The following ADAM12 variants were observed in gnomAD, a reference collection of about 807,000 sequenced individuals.
The protein encoded by ADAM12 is disintegrin and metalloproteinase domain-containing protein 12.
In ADAM12, 70 loss-of-function variants were observed where a neutral mutation model predicts 106.4. The observed-to-expected ratio is 0.66, with a 90% CI of 0.54 to 0.80. The LOEUF (loss-of-function observed/expected upper bound fraction) is 0.80. Ranked by LOEUF, ADAM12 falls within the 30% of genes least tolerant of loss-of-function variation. ADAM12 has a pLI of 0.00. For synonymous variants in ADAM12, 420 were observed against 433.5 expected, an observed-to-expected ratio of 0.97 and a Z score of 0.39; for missense variants, 1,010 against 1,171.9, an observed-to-expected ratio of 0.86 and a Z score of 2.02.
At chr10:126,319,455 A>G (rs931623232) in intron 2 of ADAM12, among the ~76,000 whole-genome samples, 6 of 152,096 alleles carry the variant, frequency 3.9e-5, no homozygotes, top group Non-Finnish European at 2.9e-5. Flanking sequence ...CAAAACAGAC[A>G]AGCCCAGTCC....
At chr10:126,331,756 C>T (rs913946575) in intron 1 of ADAM12, among the ~76,000 whole-genome samples, 7 of 152,092 alleles carry the variant, frequency 4.6e-5, no homozygotes, top group Non-Finnish European at 8.8e-5. Flanking sequence ...GGGCCCAGGA[C>T]GTGTGGTCTT....
At chr10:126,035,960 T>A (rs1954052313) in intron 21 of ADAM12, among the ~76,000 whole-genome samples, 186 bp downstream of exon 21, 3 of 138,942 alleles carry the variant, frequency 2.2e-5, no homozygotes, top group Admixed American at 2.1e-4. Context: ...ACACTCTTAT[T>A]ATTATACTCC....
intron 3 of ADAM12, among the ~76,000 whole-genome samples, chr10:126,199,409 C>T (rs925426282): frequency 1.3e-5 from 2 of 152,126 alleles, no homozygotes; most frequent in Non-Finnish European, 2.9e-5. Context: ...TTAGGCATAA[C>T]GGCCACCAGC....
intron 3 of ADAM12, among the ~76,000 whole-genome samples, chr10:126,255,908 C>T (rs554779621): frequency 6.6e-6 from 1 of 152,156 alleles, no homozygotes; most frequent in Non-Finnish European, 1.5e-5. Flanking sequence ...TGCAGGCTGT[C>T]CAAGGGCCTT....
At chr10:126,281,286 ATAAG>A (rs1351246842) in intron 2 of ADAM12, among the ~76,000 whole-genome samples, 2 of 152,366 alleles carry the variant, frequency 1.3e-5, no homozygotes, top group East Asian at 3.9e-4. Context: ...GTATGTATAT[ATAAG>A]TAACTTAGTT....
At chr10:126,339,914 G>A (rs952966582) in intron 1 of ADAM12, among the ~76,000 whole-genome samples, 2 of 144,166 alleles carry the variant, frequency 1.4e-5, no homozygotes, top group African/African-American at 2.6e-5. Flanking sequence ...GAGTGCAGTG[G>A]CCTGATCTCA....
chr10:126,130,809 G>A (rs911203444), intron 5 of ADAM12, among the ~76,000 whole-genome samples: 6 of 152,144 alleles, frequency 3.9e-5, no homozygotes, highest in South Asian at 2.1e-4. Context: ...TGTCTTGCTT[G>A]GATATTACTC....
intron 1 of ADAM12, among the ~76,000 whole-genome samples, chr10:126,361,869 C>A (rs748203391): frequency 6.6e-6 from 1 of 151,958 alleles, no homozygotes; most frequent in Non-Finnish European, 1.5e-5. Context: ...TGATGTTGGT[C>A]TATAGGCAAT....
intron 2 of ADAM12, among the ~76,000 whole-genome samples, chr10:126,318,763 C>T (rs1056819982): frequency 6.6e-6 from 1 of 152,308 alleles, no homozygotes; most frequent in Admixed American, 6.5e-5. Flanking sequence ...TACTCTCACA[C>T]TGCTAATAAA....
At chr10:126,251,134 C>A (rs897588893) in intron 3 of ADAM12, among the ~76,000 whole-genome samples, 4 of 152,226 alleles carry the variant, frequency 2.6e-5, no homozygotes, top group Non-Finnish European at 5.9e-5. Flanking sequence ...CCAGATGACA[C>A]AAGGACAGTC....
At chr10:126,227,335 A>G (rs2133862949) in intron 3 of ADAM12, among the ~76,000 whole-genome samples, 1 of 152,218 alleles carries the variant, frequency 6.6e-6, no homozygotes, top group Non-Finnish European at 1.5e-5. Flanking sequence ...TGTCATCATA[A>G]CCACATCACC....
intron 2 of ADAM12, among the ~76,000 whole-genome samples, chr10:126,315,271 G>C (rs1371835764): frequency 6.6e-6 from 1 of 152,104 alleles, no homozygotes; most frequent in Non-Finnish European, 1.5e-5. Flanking sequence ...ACAGCTTCTG[G>C]ACATTTATTT....
At chr10:126,136,939 G>C (rs879810754) in intron 4 of ADAM12, among the ~76,000 whole-genome samples, 1 of 152,018 alleles carries the variant, frequency 6.6e-6, no homozygotes, top group African/African-American at 2.4e-5. Flanking sequence ...GGTATTTTTT[G>C]TTCAGAGTTT....
intron 3 of ADAM12, among the ~76,000 whole-genome samples, chr10:126,174,468 G>C (rs1163243517): frequency 6.6e-6 from 1 of 152,020 alleles, no homozygotes; most frequent in African/African-American, 2.4e-5. Context: ...CCGAGTTCAG[G>C]GCCGGGGCTT....
intron 12 of ADAM12, among the ~76,000 whole-genome samples, chr10:126,069,516 C>T (rs1954941298): frequency 1.3e-5 from 2 of 152,246 alleles, no homozygotes; most frequent in African/African-American, 4.8e-5. Context: ...CAACATGCCA[C>T]CTGGCGAGAC....
chr10:126,223,702 G>A (rs1958139610), intron 3 of ADAM12, among the ~76,000 whole-genome samples: 1 of 152,196 alleles, frequency 6.6e-6, no homozygotes. Context: ...CTCAGGGACA[G>A]ACACATGCAG....
chr10:126,135,633 G>A lies in ADAM12; in HGVS notation c.367C>T (p.Arg123Trp), dbSNP rs763136025. The change falls in exon 5 of 23, where the codon CGG becomes TGG. Residue 123 changes from arginine to tryptophan, a missense_variant. Physicochemically the swap from Arg to Trp is moderately radical, Grantham distance 101 (BLOSUM62 -3). Around this residue, in one of 3 missense-constraint regions of ADAM12, gnomAD observed 391 missense variants for 442.9 expected, o/e 0.88. Coordinates refer to ENST00000448723, the MANE Select transcript of ADAM12 (RefSeq NM_001288973.2). ...CTGACTGCTGAATCAGAATATCCCC[G>A]TACATGTCCATGGTAGTAACAGTGA... ...TGHCYYHGHV[R>W]GYSDSAVSLS... 5.6e-6 allele frequency: 9 copies of A among 1,614,122 alleles called. No individual in the cohort carries two copies. The highest frequency in any genetic ancestry group is 5.0e-5 in the Admixed American group (3 of 60,018).
At chr10:126,198,225 C>T (rs562138615) in intron 3 of ADAM12, among the ~76,000 whole-genome samples, 7 of 152,218 alleles carry the variant, frequency 4.6e-5, no homozygotes, top group African/African-American at 1.7e-4. Context: ...GTTGCAGACG[C>T]CCATGCTCTC....
At chr10:126,186,311 A>C (rs892710178) in intron 3 of ADAM12, among the ~76,000 whole-genome samples, 1 of 152,166 alleles carries the variant, frequency 6.6e-6, no homozygotes, top group Non-Finnish European at 1.5e-5. Flanking sequence ...AGGAAGAAAA[A>C]GTGAGAGTCT....
Sources: gnomAD v4.1 joint callset for allele counts (sites outside exome capture counted in the v4.1 genomes callset) on GRCh38, gnomAD v4.1.1 for gene constraint, gnomAD v4.1.1 regional missense constraint, MANE v1.5 for transcripts, NCBI Gene and HGNC (gene_info 2026-07-23, HGNC 2026-07-21) for gene names.